WWOX: variants seen among roughly 807,000 people sequenced by gnomAD.
WWOX encodes WW domain-containing oxidoreductase.
In WWOX, 69 loss-of-function variants were observed where a neutral mutation model predicts 46.2. The ratio of observed to expected loss-of-function variants is 1.49; its 90% CI spans 1.23 to 1.82. The LOEUF (loss-of-function observed/expected upper bound fraction) is 1.82. WWOX is among the 40% of genes most tolerant of loss of function. The probability of loss-of-function intolerance (pLI) is 0.00; values close to 1 mark genes in which losing one functional copy is unlikely to be tolerated. For synonymous variants in WWOX, 359 were observed against 202.6 expected, an observed-to-expected ratio of 1.77 and a Z score of -6.56; for missense variants, 919 against 542.6, an observed-to-expected ratio of 1.69 and a Z score of -6.89.
At chr16:78,337,993 C>A (rs1388354038) in intron 5 of WWOX, among the ~76,000 whole-genome samples, 1 of 119,420 alleles carries the variant, frequency 8.4e-6, no homozygotes, top group Non-Finnish European at 2.0e-5. Context: ...CACTTGGCAA[C>A]CAAGCTGATG....
chr16:78,928,165 A>G (rs1475686895), intron 8 of WWOX, among the ~76,000 whole-genome samples: 2 of 151,682 alleles, frequency 1.3e-5, no homozygotes, highest in East Asian at 3.9e-4. Context: ...GAGTTTAATA[A>G]TAAAGTGTTT....
chr16:78,982,446 C>T (rs1042670303), intron 8 of WWOX, among the ~76,000 whole-genome samples: 6 of 152,228 alleles, frequency 3.9e-5, no homozygotes, highest in Admixed American at 2.6e-4. Context: ...ATGTCGACTG[C>T]ATTCAGGCCC....
At chr16:78,840,998 G>T (rs1473413496) in intron 8 of WWOX, among the ~76,000 whole-genome samples, 1 of 151,990 alleles carries the variant, frequency 6.6e-6, no homozygotes, top group Admixed American at 6.6e-5. Context: ...TTAGCAGGTG[G>T]GGTCCACGGG....
chr16:78,739,655 A>T (rs2049169269), intron 8 of WWOX, among the ~76,000 whole-genome samples: 2 of 152,110 alleles, frequency 1.3e-5, no homozygotes, highest in Admixed American at 1.3e-4. Context: ...TACTGAAAAC[A>T]CAAAAATTAG....
intron 8 of WWOX, among the ~76,000 whole-genome samples, chr16:79,028,798 T>A (rs926012815): frequency 6.6e-6 from 1 of 151,782 alleles, no homozygotes; most frequent in South Asian, 2.1e-4. Flanking sequence ...TTTGCTTACA[T>A]AGATGGAGGC....
chr16:79,093,043 T>C (rs904233960), intron 8 of WWOX, among the ~76,000 whole-genome samples: 1 of 152,238 alleles, frequency 6.6e-6, no homozygotes, highest in African/African-American at 2.4e-5. Flanking sequence ...CCACTACTTT[T>C]TACCTAGCAG....
At chr16:78,953,151 AG>A (rs553014911) in intron 8 of WWOX, among the ~76,000 whole-genome samples, 36 of 152,120 alleles carry the variant, frequency 2.4e-4, no homozygotes, top group African/African-American at 7.5e-4. Context: ...CCTAAGTTAG[AG>A]CCCCTGGGAA....
chr16:78,328,288 C>T (rs531976475), intron 5 of WWOX, among the ~76,000 whole-genome samples: 4 of 152,254 alleles, frequency 2.6e-5, no homozygotes, highest in Non-Finnish European at 2.9e-5. Flanking sequence ...TGTTTATAAT[C>T]GTCATTTTTC....
At chr16:78,430,861 C>G (rs1321132678) in intron 7 of WWOX, among the ~76,000 whole-genome samples, 1 of 152,148 alleles carries the variant, frequency 6.6e-6, no homozygotes, top group Non-Finnish European at 1.5e-5. Context: ...TTTCATTCTG[C>G]CCTTGCCATG....
intron 1 of WWOX, among the ~76,000 whole-genome samples, chr16:78,104,342 C>CGCACGCAT (rs2032004422): frequency 7.9e-6 from 1 of 126,634 alleles, no homozygotes; most frequent in African/African-American, 2.7e-5. Context: ...CACGCACGCA[C>CGCACGCAT]GCACGCATGC....
intron 8 of WWOX, among the ~76,000 whole-genome samples, chr16:78,918,447 G>C (rs1339541884): frequency 6.6e-6 from 1 of 151,906 alleles, no homozygotes; most frequent in African/African-American, 2.4e-5. Flanking sequence ...GGCAGGGCTG[G>C]ACTGTCACTT....
intron 5 of WWOX, among the ~76,000 whole-genome samples, chr16:78,289,521 G>T (rs1365488573): frequency 2.6e-5 from 4 of 152,130 alleles, no homozygotes; most frequent in African/African-American, 9.7e-5. Context: ...CTGTAACTTG[G>T]ATCCAGCCAG....
intron 5 of WWOX, among the ~76,000 whole-genome samples, chr16:78,325,737 G>A (rs935290236): frequency 6.6e-6 from 1 of 152,218 alleles, no homozygotes; most frequent in African/African-American, 2.4e-5. Flanking sequence ...TAACCTGAGT[G>A]ACTGCTGATA....
At chr16:78,730,608 C>T (rs7188004) in intron 8 of WWOX, among the ~76,000 whole-genome samples, 83,086 of 146,798 alleles carry the variant, frequency 0.57, 23,877 homozygotes, top group South Asian at 0.68. Flanking sequence ...CATGCCACCA[C>T]GCCCGGCAAT....
chr16:78,853,652 G>C (rs1305981671), intron 8 of WWOX, among the ~76,000 whole-genome samples: 1 of 152,122 alleles, frequency 6.6e-6, no homozygotes, highest in Non-Finnish European at 1.5e-5. Context: ...CCTGGGTGGA[G>C]AAGAGGGGCG....
intron 8 of WWOX, among the ~76,000 whole-genome samples, chr16:78,494,969 G>A (rs5019441): frequency 0.74 from 112,886 of 152,048 alleles, 44,288 homozygotes; most frequent in Admixed American, 0.86. Context: ...CATCAGATGA[G>A]TGGAGGTTTC....
chr16:78,608,454 C>A (rs151134910), intron 8 of WWOX, among the ~76,000 whole-genome samples: 2 of 152,316 alleles, frequency 1.3e-5, no homozygotes, highest in African/African-American at 4.8e-5. Context: ...GTGGAAGTTG[C>A]CTTATAAAGC....
chr16:78,458,459 C>T (rs748963643), intron 8 of WWOX, among the ~76,000 whole-genome samples: 1 of 151,924 alleles, frequency 6.6e-6, no homozygotes, highest in Admixed American at 6.6e-5. Context: ...CAAGGTTTCC[C>T]TATGTTGCCC....
At chr16:79,163,532 C>G (rs907091051) in intron 8 of WWOX, among the ~76,000 whole-genome samples, 9 of 152,110 alleles carry the variant, frequency 5.9e-5, no homozygotes, top group African/African-American at 2.2e-4. Context: ...GGCATGGTGG[C>G]TCACACCTGT....
Sources: allele counts gnomAD v4.1 joint callset (sites outside exome capture counted in the v4.1 genomes callset), GRCh38; gene constraint gnomAD v4.1.1; transcripts MANE v1.5; gene names NCBI Gene and HGNC (gene_info 2026-07-23, HGNC 2026-07-21).